The following OPCML variants were observed in gnomAD, a reference collection of about 807,000 sequenced individuals.
The protein encoded by OPCML is opioid-binding protein/cell adhesion molecule.
In OPCML, 13 loss-of-function variants were observed where a neutral mutation model predicts 37.8. The observed-to-expected ratio is 0.34, with a 90% CI of 0.22 to 0.55. The LOEUF is 0.55. Ranked by LOEUF, OPCML falls within the 20% of genes least tolerant of loss-of-function variation. The pLI, the probability that OPCML is intolerant of heterozygous loss-of-function variation, is 0.91. For synonymous variants in OPCML, 176 were observed against 168.8 expected (o/e 1.04, Z -0.33); for missense variants, 341 against 435.6 (o/e 0.78, Z 1.93).
At chr11:133,361,607 A>ATT (rs1944422459) in intron 1 of OPCML, 2 of 160,216 alleles carry the variant, frequency 1.2e-5, no homozygotes, top group African/African-American at 5.0e-5. Context: ...ACCTGCAGCT[A>ATT]CTCCGGGGCA....
intron 2 of OPCML, among the ~76,000 whole-genome samples, chr11:132,683,785 A>G (rs1399368926): frequency 6.6e-6 from 1 of 152,172 alleles, no homozygotes; most frequent in Non-Finnish European, 1.5e-5. Flanking sequence ...GTGTACATAC[A>G]AAGCAGGTCT....
intron 1 of OPCML, among the ~76,000 whole-genome samples, chr11:133,516,701 G>C (rs1948281941): frequency 6.6e-6 from 1 of 152,188 alleles, no homozygotes. Flanking sequence ...TGCAGAGCCG[G>C]GACAGAGCGG....
intron 2 of OPCML, among the ~76,000 whole-genome samples, chr11:132,896,378 G>A (rs1468830584): frequency 6.6e-6 from 1 of 152,190 alleles, no homozygotes; most frequent in Non-Finnish European, 1.5e-5. Context: ...TACAATGGGA[G>A]CTGCTGTTAT....
At chr11:133,510,299 G>C (rs1272587285) in intron 1 of OPCML, among the ~76,000 whole-genome samples, 1 of 152,230 alleles carries the variant, frequency 6.6e-6, no homozygotes, top group Non-Finnish European at 1.5e-5. Flanking sequence ...CCTGCAAGAT[G>C]GAAGAGGGTA....
intron 2 of OPCML, among the ~76,000 whole-genome samples, chr11:132,704,227 C>A (rs1943944111): frequency 6.6e-6 from 1 of 152,130 alleles, no homozygotes; most frequent in Non-Finnish European, 1.5e-5. Context: ...AAAAAAGTAT[C>A]AAATGGGCAA....
chr11:133,296,528 C>T (rs945009172), intron 1 of OPCML, among the ~76,000 whole-genome samples: 3 of 152,154 alleles, frequency 2.0e-5, no homozygotes, highest in Non-Finnish European at 2.9e-5. Context: ...GTACCATAAG[C>T]GATAGACACA....
chr11:133,148,177 T>C (rs1949924650), intron 1 of OPCML, among the ~76,000 whole-genome samples: 1 of 152,196 alleles, frequency 6.6e-6, no homozygotes, highest in African/African-American at 2.4e-5. Flanking sequence ...CTTCAGAAGA[T>C]CCACTGAGAG....
At chr11:133,038,836 A>AG (rs1947832177) in intron 1 of OPCML, among the ~76,000 whole-genome samples, 1 of 151,668 alleles carries the variant, frequency 6.6e-6, no homozygotes, top group Admixed American at 6.6e-5. Context: ...CAAAAAAAAA[A>AG]AAACCCTGCT....
intron 1 of OPCML, chr11:133,423,401 T>G: frequency 1.0e-6 from 1 of 985,382 alleles, no homozygotes; most frequent in Non-Finnish European, 1.2e-6. Context: ...TTTCCCTAGG[T>G]AGGAGATAAC....
intron 2 of OPCML, among the ~76,000 whole-genome samples, chr11:132,850,589 T>C (rs1029196566): frequency 6.6e-6 from 1 of 152,078 alleles, no homozygotes; most frequent in Non-Finnish European, 1.5e-5. Flanking sequence ...GTGTATAGTT[T>C]GTATAATTCA....
At chr11:133,194,279 C>T (rs1482129086) in intron 1 of OPCML, among the ~76,000 whole-genome samples, 10 of 146,280 alleles carry the variant, frequency 6.8e-5, no homozygotes, top group Non-Finnish European at 7.4e-5. Flanking sequence ...GGTGCAATCT[C>T]GGCTCACTGC....
At chr11:133,392,681 G>A (rs1945198116) in intron 1 of OPCML, among the ~76,000 whole-genome samples, 1 of 152,212 alleles carries the variant, frequency 6.6e-6, no homozygotes, top group African/African-American at 2.4e-5. Flanking sequence ...AGTCAGGAAA[G>A]ACTGACTCCA....
At chr11:132,618,212 A>G (rs181889351) in intron 3 of OPCML, among the ~76,000 whole-genome samples, 363 of 152,340 alleles carry the variant, frequency 2.4e-3, no homozygotes, top group Admixed American at 3.9e-3. Flanking sequence ...GAGTGTAATT[A>G]AAGGCTGGTT....
At chr11:133,255,644 T>C (rs1941288552) in intron 1 of OPCML, among the ~76,000 whole-genome samples, 2 of 151,938 alleles carry the variant, frequency 1.3e-5, no homozygotes, top group Admixed American at 6.6e-5. Context: ...AATAAGCAAA[T>C]AAAAATTTGC....
At chr11:132,549,034 C>T (rs1428245669) in intron 3 of OPCML, among the ~76,000 whole-genome samples, 1 of 152,132 alleles carries the variant, frequency 6.6e-6, no homozygotes, top group Non-Finnish European at 1.5e-5. Context: ...GTGGTCGAGA[C>T]CTCCTGGGCT....
intron 2 of OPCML, among the ~76,000 whole-genome samples, chr11:132,849,809 G>A (rs1296999633): frequency 6.6e-6 from 1 of 152,212 alleles, no homozygotes; most frequent in African/African-American, 2.4e-5. Flanking sequence ...TATGCCACAT[G>A]TAAACCGGGG....
chr11:132,615,124 G>A (rs540587812), intron 3 of OPCML, among the ~76,000 whole-genome samples: 1 of 152,290 alleles, frequency 6.6e-6, no homozygotes, highest in South Asian at 2.1e-4. Flanking sequence ...TTTTTTCAAA[G>A]ATGTGCTTAC....
intron 2 of OPCML, among the ~76,000 whole-genome samples, chr11:132,802,583 T>G (rs1938724720): frequency 6.6e-6 from 1 of 151,778 alleles, no homozygotes; most frequent in African/African-American, 2.4e-5. Context: ...GAACTACAAA[T>G]TCTGAACATA....
chr11:132,986,047 T>G (rs1946677507), intron 1 of OPCML, among the ~76,000 whole-genome samples: 1 of 151,680 alleles, frequency 6.6e-6, no homozygotes, highest in Non-Finnish European at 1.5e-5. Flanking sequence ...TTATGATGCT[T>G]CTTCTTTCTC....
Sources: allele counts gnomAD v4.1 joint callset (sites outside exome capture counted in the v4.1 genomes callset), GRCh38; gene constraint gnomAD v4.1.1; transcripts MANE v1.5; gene names NCBI Gene and HGNC (gene_info 2026-07-23, HGNC 2026-07-21).